Variants in IQGAP1 observed in about 807,000 individuals in gnomAD.
IQGAP1 encodes the protein IQ motif containing GTPase activating protein 1, also known as ras GTPase-activating-like protein IQGAP1.
Under a neutral mutation model 215.6 loss-of-function variants are expected in IQGAP1, and 66 were observed. The ratio of observed to expected loss-of-function variants is 0.31; its 90% confidence interval spans 0.25 to 0.38. The LOEUF (loss-of-function observed/expected upper bound fraction) is 0.38, where lower values mean the gene tolerates loss of function less well. Among genes scored for constraint, IQGAP1 ranks in the 10% least tolerant of loss-of-function variants. IQGAP1 has a pLI of 1.00. For synonymous variants in IQGAP1, 772 were observed against 728.7 expected, an observed-to-expected ratio of 1.06 and a Z score of -0.96; for missense variants, 1,712 against 1,997.1, an observed-to-expected ratio of 0.86 and a Z score of 2.72.
chr15:90,469,788 A>C, intron 18 of IQGAP1, among the ~76,000 whole-genome samples: 1 of 152,224 alleles, frequency 6.6e-6, no homozygotes. Context: ...GTTAAGGATG[A>C]GCTTGCTGAA....
intron 23 of IQGAP1, among the ~76,000 whole-genome samples, chr15:90,476,419 C>A (rs1965980414): frequency 6.6e-6 from 1 of 152,094 alleles, no homozygotes; most frequent in Non-Finnish European, 1.5e-5. Context: ...TAATAGACTG[C>A]TGGAAGTTGG....
At chr15:90,475,753 C>CAAAAAA (rs746640708) in intron 23 of IQGAP1, 11 of 69,726 alleles carry the variant, frequency 1.6e-4, no homozygotes, top group African/African-American at 4.8e-4. Flanking sequence ...ACTCTATCTC[C>CAAAAAA]AAAAAAAAAA....
intron 2 of IQGAP1, among the ~76,000 whole-genome samples, chr15:90,425,087 A>T (rs1190753924): frequency 2.0e-5 from 3 of 152,212 alleles, no homozygotes; most frequent in Non-Finnish European, 4.4e-5. Context: ...AGGTGGGCGG[A>T]TCACTTGAGG....
At chr15:90,438,859 G>A (rs933685744) in intron 5 of IQGAP1, among the ~76,000 whole-genome samples, 30 of 151,968 alleles carry the variant, frequency 2.0e-4, no homozygotes, top group Admixed American at 1.2e-3. Context: ...TGAATAGCTG[G>A]GATTACAGGC....
At chr15:90,403,842 TTTTTGTA>T (rs1157531077) in intron 2 of IQGAP1, among the ~76,000 whole-genome samples, 1 of 152,152 alleles carries the variant, frequency 6.6e-6, no homozygotes, top group African/African-American at 2.4e-5. Context: ...GCCTGGCTAA[TTTTTGTA>T]TTTTTAGTAG....
chr15:90,482,300 G>T lies in IQGAP1; in HGVS notation c.3555+19G>T, dbSNP rs1252816298. Reference sequence around the variant, plus strand: ...GCTGAAGGTAAGAATCTCATAGCCGGCAGACTCCTGCCCTTTGAGGACAAA... The same window carrying T: ...GCTGAAGGTAAGAATCTCATAGCCGTCAGACTCCTGCCCTTTGAGGACAAA... On this transcript the variant is annotated intron_variant, in intron 28 of 37. Transcript: ENST00000268182. The T allele has an allele frequency of 1.2e-6, 2 of 1,610,538 alleles. No homozygotes were observed. The highest frequency in any genetic ancestry group is 2.7e-5 in the African/African-American group (2 of 74,958).
At chr15:90,490,843 C>T (rs896909274) in intron 33 of IQGAP1, among the ~76,000 whole-genome samples, 7 of 152,206 alleles carry the variant, frequency 4.6e-5, no homozygotes, top group African/African-American at 1.7e-4. Flanking sequence ...GAGTCTCGCT[C>T]TGTCGCCCAG....
chr15:90,486,174 G>C (rs778257210), intron 31 of IQGAP1, 42 bp downstream of exon 31: 1 of 1,402,792 alleles, frequency 7.1e-7, no homozygotes, highest in East Asian at 2.3e-5. Context: ...AAGGGAATGT[G>C]ACAGAAAAGT....
rs1966135963 is a variant in IQGAP1, at chr15:90,486,988, G to A, written c.4059G>A (p.Lys1353=). Residue 1353 remains lysine (K), a synonymous_variant, in exon 32 of 38, where the codon AAG becomes AAA. Transcript: ENST00000268182. ...CTGGCAATTTAAATGACCCAAATAA[G>A]GAGGCACTGGCTAAGACGGAAGTGT... ...ESSGNLNDPN[K]EALAKTEVSL... is the part of the protein sequence containing the mutation. 2 of 1,613,952 alleles carry A rather than the reference G, an allele frequency of 1.2e-6. No homozygotes were observed. Among genetic ancestry groups the A allele is most frequent in the Non-Finnish European group, 1.7e-6 (2 of 1,179,994 alleles).
chr15:90,495,596 C>T (rs1011015525), intron 36 of IQGAP1, among the ~76,000 whole-genome samples: 1 of 150,450 alleles, frequency 6.6e-6, no homozygotes, highest in Non-Finnish European at 1.5e-5. Flanking sequence ...TATTTAACTA[C>T]TTTATATATA....
At position 90,493,396 on chromosome 15, in the gene IQGAP1, C is replaced by T. The variant is rs368193723; in HGVS notation, c.4628+685C>T. ...AGATCACAGGCTCTGATTTTTTTTC[C>T]TGGGTGCTGAGGAAAGTCTGATCCA... On this transcript the variant is annotated intron_variant, in intron 35 of 37. Coordinates refer to ENST00000268182, the MANE Select transcript of IQGAP1 (RefSeq NM_003870.4). Among the ~76,000 whole-genome samples, 9 of 152,052 alleles carry T rather than the reference C, an allele frequency of 5.9e-5. No individual in the cohort carries two copies. In the East Asian group the frequency reaches 1.7e-3, roughly 29 times the overall value.
intron 2 of IQGAP1, among the ~76,000 whole-genome samples, chr15:90,407,600 G>A (rs1308669465): frequency 1.3e-5 from 2 of 152,200 alleles, no homozygotes; most frequent in African/African-American, 4.8e-5. Context: ...CAGTTTAATG[G>A]AAGATTGTTA....
chr15:90,484,330 G>A lies in IQGAP1; in HGVS notation c.3899G>A (p.Gly1300Asp). 1 of 1,611,828 alleles carries A rather than the reference G, an allele frequency of 6.2e-7. No homozygotes were observed. Among genetic ancestry groups the A allele is most frequent in the Non-Finnish European group, 8.5e-7 (1 of 1,178,214 alleles). The change falls in exon 30 of 38, where the codon GGT (glycine) becomes GAT (aspartate). Residue 1300 changes from glycine (G) to aspartate (D), a missense_variant. This residue lies in a region of IQGAP1 where 691 missense variants were observed against 923.0 expected (regional missense o/e 0.75). Transcript: ENST00000268182. The stretch of plus-strand genomic sequence containing the variant: ...AAACCAGTAATCTACATTTCCATTG[G>A]TGAAATCATCAACACCCACACTGTA... The part of the protein sequence containing the change: ...LTKPVIYISI[G>D]EIINTHTLLL...
Position 90,476,589 on chromosome 15 carries a change from G to A in IQGAP1, c.2785-74G>A, listed in dbSNP as rs368730524. 12 of 1,219,660 alleles carry A rather than the reference G, an allele frequency of 9.8e-6. No homozygotes were observed. The South Asian group carries it at 1.7e-4, about 17-fold the overall frequency. 75.6% of individuals were successfully genotyped at this position (1,219,660 alleles called of 1,614,324 possible). A position where few individuals can be genotyped will look rare whatever the true frequency, so the allele number is the denominator to read the frequency against. On this transcript the variant is annotated intron_variant, in intron 23 of 37. Coordinates refer to ENST00000268182, the MANE Select transcript of IQGAP1 (RefSeq NM_003870.4). ...ACCTTCATGTGAGTTTGCACATGCT[G>A]CAAAACCTTTCCTCAATGCCCAGAG...
At chr15:90,417,509 G>A (rs1235659058) in intron 2 of IQGAP1, among the ~76,000 whole-genome samples, 1 of 152,188 alleles carries the variant, frequency 6.6e-6, no homozygotes, top group Non-Finnish European at 1.5e-5. Flanking sequence ...TCAAAGATCA[G>A]ATGGTTGTGG....
intron 30 of IQGAP1, 21 bp downstream of exon 30, chr15:90,484,373 A>G: frequency 6.3e-7 from 1 of 1,590,288 alleles, no homozygotes; most frequent in Non-Finnish European, 8.6e-7. Flanking sequence ...TTCTTTAATT[A>G]CTTAATTTCA....
At chr15:90,481,512 C>A (rs564526474) in intron 26 of IQGAP1, among the ~76,000 whole-genome samples, 1 of 152,120 alleles carries the variant, frequency 6.6e-6, no homozygotes, top group Admixed American at 6.5e-5. Context: ...CCCCTTCCTT[C>A]CTAGAAGACT....
intron 9 of IQGAP1, among the ~76,000 whole-genome samples, chr15:90,445,139 AT>A (rs200670119): frequency 1.5e-3 from 217 of 148,680 alleles, no homozygotes; most frequent in Middle Eastern, 3.4e-3. Flanking sequence ...TAATTAATTA[AT>A]TTTTTTTTTT....
At chr15:90,492,491 G>C in intron 34 of IQGAP1, 54 bp from the exon 35 acceptor site, 1 of 1,345,488 alleles carries the variant, frequency 7.4e-7, no homozygotes, top group South Asian at 1.4e-5. Context: ...GTTGTAGTGT[G>C]AAATGATAAT....
Sources: gnomAD v4.1 joint callset for allele counts (sites outside exome capture counted in the v4.1 genomes callset) on GRCh38, gnomAD v4.1.1 for gene constraint, gnomAD v4.1.1 regional missense constraint, MANE v1.5 for transcripts, NCBI Gene and HGNC (gene_info 2026-07-23, HGNC 2026-07-21) for gene names.